The following NUDCD1 variants were observed in gnomAD, a reference collection of about 807,000 sequenced individuals.
NUDCD1 encodes nudC domain-containing protein 1.
A neutral mutation model predicts 67.8 loss-of-function variants in NUDCD1; 60 were observed. That is an observed-to-expected ratio of 0.88 (90% CI 0.72 to 1.10). NUDCD1 has a LOEUF of 1.10. NUDCD1 is among the 50% of genes least tolerant of loss of function. The probability of loss-of-function intolerance (pLI) is 0.00; values close to 1 mark genes in which losing one functional copy is unlikely to be tolerated. For synonymous variants in NUDCD1, 244 were observed against 230.8 expected, an observed-to-expected ratio of 1.06 and a Z score of -0.52; for missense variants, 643 against 695.0, an observed-to-expected ratio of 0.93 and a Z score of 0.84.
chr8:109,332,370 A>C (rs6993440), intron 1 of NUDCD1, among the ~76,000 whole-genome samples: 11,199 of 152,214 alleles, frequency 0.074, 1,355 homozygotes, highest in African/African-American at 0.25. Context: ...AGTGGCTAAA[A>C]GAAATAAACC....
chr8:109,310,285 GA>G (rs930065504), intron 2 of NUDCD1, among the ~76,000 whole-genome samples: 5 of 149,792 alleles, frequency 3.3e-5, no homozygotes, highest in Non-Finnish European at 5.9e-5. Flanking sequence ...CAGACCAATG[GA>G]AAAAAAAAGA....
intron 3 of NUDCD1, 133 bp downstream of exon 3, chr8:109,296,251 A>T (rs1814838696): frequency 1.4e-6 from 1 of 729,298 alleles, no homozygotes; most frequent in Non-Finnish European, 2.3e-6. Context: ...TTAAAAAGAG[A>T]TCCAAAACAT....
rs199604525 is a variant in NUDCD1, at chr8:109,242,992, C to A, written c.*17G>T. The stretch of plus-strand genomic sequence containing the variant: ...TGAATACTTTTCCAGTACAAAGAGG[C>A]CAATATGTTAGAATAATTAATTCTC... On this transcript the variant is annotated 3_prime_UTR_variant, in exon 10 of 10. Coordinates refer to ENST00000239690, the MANE Select transcript of NUDCD1 (RefSeq NM_032869.4). 1.3e-6 allele frequency: 2 copies of A among 1,525,358 alleles called. No individual in the cohort carries two copies. Among genetic ancestry groups the A allele is most frequent in the African/African-American group, 2.7e-5 (2 of 72,980 alleles). The allele number at this position is 1,525,358 out of a possible 1,614,324, so 94.5% of individuals were successfully genotyped here. A position where few individuals can be genotyped will look rare whatever the true frequency, so the allele number is the denominator to read the frequency against.
At chr8:109,329,475 A>T (rs1563687879) in intron 1 of NUDCD1, among the ~76,000 whole-genome samples, 1 of 152,204 alleles carries the variant, frequency 6.6e-6, no homozygotes, top group South Asian at 2.1e-4. Flanking sequence ...CAGAAGAAAA[A>T]AGGCATGTTA....
intron 1 of NUDCD1, among the ~76,000 whole-genome samples, chr8:109,324,459 G>C (rs181118435): frequency 4.0e-5 from 6 of 151,680 alleles, no homozygotes; most frequent in Admixed American, 3.9e-4. Flanking sequence ...CTGTCAGTGG[G>C]AATGTAAATT....
chr8:109,248,908 T>C (rs1005647404), intron 8 of NUDCD1, among the ~76,000 whole-genome samples: 3 of 152,160 alleles, frequency 2.0e-5, no homozygotes, highest in African/African-American at 7.2e-5. Flanking sequence ...TTTTAACCTG[T>C]TGCATATCCT....
intron 8 of NUDCD1, among the ~76,000 whole-genome samples, chr8:109,258,970 A>G (rs976497620): frequency 2.6e-5 from 4 of 152,198 alleles, no homozygotes; most frequent in African/African-American, 9.6e-5. Flanking sequence ...AAATGTCTCC[A>G]ATAAAACCAC....
chr8:109,311,080 C>T (rs1304687148), intron 2 of NUDCD1, among the ~76,000 whole-genome samples: 1 of 152,064 alleles, frequency 6.6e-6, no homozygotes, highest in Non-Finnish European at 1.5e-5. Context: ...TCCCAAAGTG[C>T]TGGGATTACA....
At chr8:109,282,877 C>A (rs1232927618) in intron 5 of NUDCD1, among the ~76,000 whole-genome samples, 1 of 149,670 alleles carries the variant, frequency 6.7e-6, no homozygotes, top group African/African-American at 2.5e-5. Context: ...AGAATTCTGG[C>A]ACCATAAAAA....
intron 7 of NUDCD1, 24 bp downstream of exon 7, chr8:109,275,328 C>G: frequency 6.3e-7 from 1 of 1,598,196 alleles, no homozygotes; most frequent in South Asian, 1.1e-5. Flanking sequence ...CTTGGAAAGT[C>G]ACACTACTAT....
chr8:109,252,272 G>C (rs180819174), intron 8 of NUDCD1, among the ~76,000 whole-genome samples: 3 of 152,246 alleles, frequency 2.0e-5, no homozygotes, highest in Admixed American at 6.5e-5. Flanking sequence ...CAGAGATACT[G>C]CCCTCCTCCA....
rs1240728874 is a variant in NUDCD1, at chr8:109,329,702, A to G, written c.118+4191T>C. The stretch of plus-strand genomic sequence containing the variant: ...GTGATGATTTCACGGGTGTATACAT[A>G]TATCACAACTTCTTAAGTTGTACAT... On this transcript the variant is annotated intron_variant, in intron 1 of 9. Coordinates refer to ENST00000239690, the MANE Select transcript of NUDCD1 (RefSeq NM_032869.4). 19 of 1,049,776 alleles carry G rather than the reference A, an allele frequency of 1.8e-5. 1 individual carries two copies. The highest frequency in any genetic ancestry group is 7.0e-6 in the Non-Finnish European group (5 of 718,634). 65.0% of individuals were successfully genotyped at this position (1,049,776 alleles called of 1,614,324 possible). A position where few individuals can be genotyped will look rare whatever the true frequency, so the allele number is the denominator to read the frequency against.
chr8:109,277,605 C>T (rs936063056), intron 6 of NUDCD1, among the ~76,000 whole-genome samples: 1 of 152,090 alleles, frequency 6.6e-6, no homozygotes, highest in African/African-American at 2.4e-5. Flanking sequence ...GTTTTTAAAA[C>T]AACAATACCA....
chr8:109,300,777 C>A (rs930845888), intron 2 of NUDCD1, among the ~76,000 whole-genome samples: 22 of 152,276 alleles, frequency 1.4e-4, no homozygotes, highest in Admixed American at 1.0e-3. Context: ...GCAAAAAAAT[C>A]ATCGCCTAGG....
chr8:109,289,907 G>A lies in NUDCD1; in HGVS notation c.667C>T (p.Arg223Cys), dbSNP rs371874228. 57 of 1,502,842 alleles carry A rather than the reference G, an allele frequency of 3.8e-5. No individual in the cohort carries two copies. The highest frequency in any genetic ancestry group is 3.9e-5 in the Non-Finnish European group (44 of 1,127,958). The allele number at this position is 1,502,842 out of a possible 1,614,324, so 93.1% of individuals were successfully genotyped here. A position where few individuals can be genotyped will look rare whatever the true frequency, so the allele number is the denominator to read the frequency against. ...QDNKKYEIIK[R>C]DILRGKSVPH... ...ACTGACTTTCCACGGAGAATATCAC[G>A]CTTAATAATTTCATATTTTTTATTA... Residue 223 changes from arginine to cysteine, a missense_variant, in exon 5 of 10, where the codon CGT (arginine) becomes TGT (cysteine). Coordinates refer to ENST00000239690, the MANE Select transcript of NUDCD1 (RefSeq NM_032869.4).
chr8:109,270,530 T>C (rs1454530413), intron 8 of NUDCD1, among the ~76,000 whole-genome samples: 1 of 152,104 alleles, frequency 6.6e-6, no homozygotes, highest in African/African-American at 2.4e-5. Context: ...TCCCTGGAAA[T>C]AGAAAAGGCT....
intron 8 of NUDCD1, among the ~76,000 whole-genome samples, chr8:109,260,360 A>C (rs1426907584): frequency 2.0e-5 from 3 of 152,066 alleles, no homozygotes; most frequent in Non-Finnish European, 4.4e-5. Flanking sequence ...ACACCTGGCA[A>C]ATTTTTTTGT....
At position 109,276,516 on chromosome 8, in the gene NUDCD1, CTG is replaced by C. The variant is rs530160835; in HGVS notation, c.1029-1022_1029-1021del. Among the ~76,000 whole-genome samples, 179 of 152,324 alleles carry C rather than the reference CTG, an allele frequency of 1.2e-3. 1 individual carries two copies. The highest frequency in any genetic ancestry group is 4.0e-3 in the African/African-American group (168 of 41,552). ...ACTTACCAGCTGTTCTTTTTCAAGA[CTG>C]TTACAATCACTACCTTATGAATTAC... is the stretch of plus-strand genomic sequence containing the variant. On this transcript the variant is annotated intron_variant, in intron 6 of 9. Coordinates refer to ENST00000239690, the MANE Select transcript of NUDCD1 (RefSeq NM_032869.4).
At chr8:109,291,219 G>C (rs994221775) in intron 4 of NUDCD1, among the ~76,000 whole-genome samples, 5 of 152,146 alleles carry the variant, frequency 3.3e-5, no homozygotes, top group African/African-American at 1.2e-4. Flanking sequence ...GCAGTGGCAC[G>C]ATCACTGCTC....
Sources: gnomAD v4.1 joint callset for allele counts (sites outside exome capture counted in the v4.1 genomes callset) on GRCh38, gnomAD v4.1.1 for gene constraint, MANE v1.5 for transcripts, NCBI Gene and HGNC (gene_info 2026-07-23, HGNC 2026-07-21) for gene names.